MYO18A: variants seen among roughly 807,000 people sequenced by gnomAD.
MYO18A encodes the protein myosin XVIIIA, also known as unconventional myosin-XVIIIa.
MYO18A carries 78 observed loss-of-function variants against 235.8 expected under a neutral mutation model. The observed-to-expected ratio is 0.33, with a 90% CI of 0.28 to 0.40. MYO18A has a LOEUF of 0.40. MYO18A is among the 10% of genes least tolerant of loss of function. The pLI is 1.00. For synonymous variants in MYO18A, 977 were observed against 1,077.8 expected, an observed-to-expected ratio of 0.91 and a Z score of 1.83; for missense variants, 2,215 against 2,699.3, an observed-to-expected ratio of 0.82 and a Z score of 3.98.
At chr17:29,079,571 C>T (rs893892630) in intron 41 of MYO18A, among the ~76,000 whole-genome samples, 1 of 152,180 alleles carries the variant, frequency 6.6e-6, no homozygotes, top group African/African-American at 2.4e-5. Flanking sequence ...GCTTGGGTGG[C>T]CCCTGCTCAT....
At chr17:29,169,307 C>T (rs2068349289) in intron 1 of MYO18A, among the ~76,000 whole-genome samples, 1 of 152,122 alleles carries the variant, frequency 6.6e-6, no homozygotes, top group Admixed American at 6.5e-5. Flanking sequence ...GTCTCGGCCT[C>T]CCAAAGTGCT....
At chr17:29,085,998 T>G (rs1185424817) in intron 39 of MYO18A, among the ~76,000 whole-genome samples, 1 of 152,230 alleles carries the variant, frequency 6.6e-6, no homozygotes, top group Non-Finnish European at 1.5e-5. Flanking sequence ...CTGCTGGCCT[T>G]CCTTCCTCGT....
intron 1 of MYO18A, among the ~76,000 whole-genome samples, chr17:29,174,791 C>A (rs890034689): frequency 6.6e-6 from 1 of 151,662 alleles, no homozygotes; most frequent in Non-Finnish European, 1.5e-5. Context: ...CTCCAGCCTG[C>A]GCGAAAGGGC....
In MYO18A at chr17:29,121,817, C is replaced by G. The variant is rs1248762822; in HGVS notation, c.1194+34G>C. ...TGCCCTGCCCAGTGCACTCCTGAGC[C>G]TCCTCCCCCACACCCAGCCCCCTGC... On this transcript the variant is annotated intron_variant, in intron 4 of 41. Coordinates refer to ENST00000527372, the MANE Select transcript of MYO18A (RefSeq NM_078471.4). This position sits in a 1 kb window ranked among gnomAD's most constrained non-coding sequence, Gnocchi z 4.2. The G allele has an allele frequency of 6.2e-7, 1 of 1,612,476 alleles. No individual in the cohort carries two copies. The highest frequency in any genetic ancestry group is 2.2e-5 in the East Asian group (1 of 44,878).
At chr17:29,133,355 C>G (rs1270635111) in intron 2 of MYO18A, among the ~76,000 whole-genome samples, 1 of 152,210 alleles carries the variant, frequency 6.6e-6, no homozygotes, top group Admixed American at 6.5e-5. Context: ...CCTGAATCAC[C>G]CTCTGGACCC....
intron 10 of MYO18A, 83 bp from the exon 11 acceptor site, chr17:29,116,538 G>T: frequency 6.4e-7 from 1 of 1,560,762 alleles, no homozygotes; most frequent in Non-Finnish European, 8.8e-7. Flanking sequence ...CGCCGCCTCG[G>T]AGGGACCGTG....
chr17:29,172,211 C>A (rs7218172), intron 1 of MYO18A, among the ~76,000 whole-genome samples: 2 of 152,092 alleles, frequency 1.3e-5, no homozygotes, highest in African/African-American at 2.4e-5. Context: ...CAATGGCTCA[C>A]GCCTGTAATC....
chr17:29,086,905 T>C (rs2066267991), intron 38 of MYO18A, 31 bp downstream of exon 38: 4 of 1,592,436 alleles, frequency 2.5e-6, no homozygotes, highest in African/African-American at 1.3e-5. Context: ...GGGGCTGCCA[T>C]GTGGGCCCCG....
chr17:29,107,963 C>T (rs987340070), intron 19 of MYO18A, among the ~76,000 whole-genome samples: 5 of 151,472 alleles, frequency 3.3e-5, no homozygotes, highest in Non-Finnish European at 4.4e-5. Flanking sequence ...AGAGGAATCG[C>T]GCATTGGCTA....
At chr17:29,081,145 A>C in intron 41 of MYO18A, 1 of 344,874 alleles carries the variant, frequency 2.9e-6, no homozygotes, top group Non-Finnish European at 4.1e-6. Context: ...AGGAGGAGAA[A>C]ACGGCAGCAG....
Position 29,120,552 on chromosome 17 carries a change from T to G in MYO18A, c.1728+64A>C. The G allele has an allele frequency of 6.4e-7, 1 of 1,555,654 alleles. No homozygotes were observed. The highest frequency in any genetic ancestry group is 1.2e-5 in the South Asian group (1 of 81,750). On this transcript the variant is annotated intron_variant, in intron 7 of 41. Transcript: ENST00000527372. The surrounding 1 kb of genome is among the most constrained non-coding windows in gnomAD (Gnocchi z 4.2). ...AAATGAGGCATGGGAGAGAGCCTGA[T>G]GTCTAGGTCATGAAATCATGTGGCC...
chr17:29,138,337 C>T (rs559645014), intron 2 of MYO18A, among the ~76,000 whole-genome samples: 1 of 151,984 alleles, frequency 6.6e-6, no homozygotes, highest in African/African-American at 2.4e-5. Context: ...CCCGCCTCGC[C>T]GCTTCTGACA....
intron 37 of MYO18A, 101 bp from the exon 38 acceptor site, chr17:29,087,222 CTCTGG>C (rs2066278466): frequency 1.6e-6 from 2 of 1,255,620 alleles, no homozygotes; most frequent in Admixed American, 4.6e-5. Flanking sequence ...TGGGGTCGAG[CTCTGG>C]CTCCACCGTT....
At chr17:29,086,737 G>T in intron 38 of MYO18A, 160 bp from the exon 39 acceptor site, 2 of 1,182,476 alleles carry the variant, frequency 1.7e-6, no homozygotes, top group East Asian at 2.6e-5. Flanking sequence ...GGGCTGTGGG[G>T]TCCAAGCCTC....
chr17:29,092,677 G>A (rs12602934), intron 33 of MYO18A, among the ~76,000 whole-genome samples, 178 bp downstream of exon 33: 61,094 of 152,054 alleles, frequency 0.4, 13,250 homozygotes, highest in East Asian at 0.84. Flanking sequence ...GCTGGGCGGT[G>A]AGACAGTAAG....
At chr17:29,178,138 G>A (rs938146039) in intron 1 of MYO18A, among the ~76,000 whole-genome samples, 1 of 152,156 alleles carries the variant, frequency 6.6e-6, no homozygotes, top group African/African-American at 2.4e-5. Flanking sequence ...CAGTGAGGGG[G>A]CCTCCAGGGA....
intron 36 of MYO18A, 32 bp from the exon 37 acceptor site, chr17:29,090,130 A>C: frequency 1.2e-6 from 2 of 1,600,674 alleles, no homozygotes; most frequent in Non-Finnish European, 1.7e-6. Flanking sequence ...AGAAGAAAGA[A>C]CTGAGCCCAG....
At chr17:29,085,909 C>G (rs2066242072) in intron 39 of MYO18A, among the ~76,000 whole-genome samples, 1 of 152,228 alleles carries the variant, frequency 6.6e-6, no homozygotes, top group Admixed American at 6.5e-5. Flanking sequence ...GGCCCCAGCC[C>G]TAAGGTGGGA....
chr17:29,179,139 C>T (rs2068593956), intron 1 of MYO18A, among the ~76,000 whole-genome samples: 1 of 152,132 alleles, frequency 6.6e-6, no homozygotes, highest in African/African-American at 2.4e-5. Flanking sequence ...AGGAAGCATT[C>T]CCCCAGCCCT....
Sources: allele counts gnomAD v4.1 joint callset (sites outside exome capture counted in the v4.1 genomes callset), GRCh38; gene constraint gnomAD v4.1.1; non-coding constraint Gnocchi (gnomAD v3.1); transcripts MANE v1.5; gene names NCBI Gene and HGNC (gene_info 2026-07-23, HGNC 2026-07-21).